DMXL2: variants seen among roughly 807,000 people sequenced by gnomAD.
The protein encoded by DMXL2 is Dmx like 2.
Under a neutral mutation model 331.1 loss-of-function variants are expected in DMXL2, and 103 were observed. The observed-to-expected ratio is 0.31, with a 90% CI of 0.27 to 0.37. The LOEUF (loss-of-function observed/expected upper bound fraction) is 0.37. Ranked by LOEUF, DMXL2 falls within the 10% of genes least tolerant of loss-of-function variation. DMXL2 has a pLI of 1.00. For synonymous variants in DMXL2, 1,281 were observed against 1,252.1 expected (o/e 1.02, Z -0.49); for missense variants, 3,171 against 3,642.9 (o/e 0.87, Z 3.33).
intron 13 of DMXL2, among the ~76,000 whole-genome samples, chr15:51,528,799 C>T (rs1377964028): frequency 6.6e-6 from 1 of 152,190 alleles, no homozygotes; most frequent in Admixed American, 6.5e-5. Context: ...CCAACAGCTA[C>T]AGAATATACA....
chr15:51,466,133 T>C, intron 30 of DMXL2, 51 bp downstream of exon 30: 2 of 1,301,938 alleles, frequency 1.5e-6, no homozygotes, highest in Non-Finnish European at 2.0e-6. Context: ...TGATATTTTC[T>C]ACAAAAAGAA....
chr15:51,530,655 T>C (rs947552316), intron 13 of DMXL2, among the ~76,000 whole-genome samples: 4 of 151,868 alleles, frequency 2.6e-5, no homozygotes, highest in Admixed American at 6.6e-5. Context: ...CTCTGGAGGC[T>C]GAGGCAGAAG....
intron 18 of DMXL2, among the ~76,000 whole-genome samples, chr15:51,496,446 G>A (rs8031824): frequency 0.019 from 2,879 of 152,296 alleles, 91 homozygotes; most frequent in African/African-American, 0.065. Flanking sequence ...AACAAGCCAT[G>A]CATGAATCTG....
intron 33 of DMXL2, among the ~76,000 whole-genome samples, chr15:51,461,245 C>A (rs527436962): frequency 2.0e-5 from 3 of 152,080 alleles, no homozygotes; most frequent in Non-Finnish European, 4.4e-5. Context: ...ATAGAACACA[C>A]AGAGACTGAG....
chr15:51,539,259 C>T (rs1283750741), intron 9 of DMXL2, among the ~76,000 whole-genome samples: 1 of 151,022 alleles, frequency 6.6e-6, no homozygotes, highest in Non-Finnish European at 1.5e-5. Flanking sequence ...ACATTTCATA[C>T]ACATACACAC....
Position 51,458,691 on chromosome 15 carries a change from A to G in DMXL2, c.8076+18T>C. 1 of 1,613,926 alleles carries G rather than the reference A, an allele frequency of 6.2e-7. No individual in the cohort carries two copies. The highest frequency in any genetic ancestry group is 8.5e-7 in the Non-Finnish European group (1 of 1,179,836). The stretch of plus-strand genomic sequence containing the variant: ...CACTAAGGAGAAATACACTGTGTAT[A>G]ATGATGAGAGCTTTTACCTTATTAA... On this transcript the variant is annotated intron_variant, in intron 35 of 43. Coordinates refer to ENST00000560891, the MANE Select transcript of DMXL2 (RefSeq NM_001378457.1).
chr15:51,564,370 C>T, intron 4 of DMXL2, 110 bp from the exon 5 acceptor site: 2 of 800,050 alleles, frequency 2.5e-6, no homozygotes, highest in Non-Finnish European at 3.5e-6. Flanking sequence ...GAAAAGTAAG[C>T]AATATCGCCA....
chr15:51,561,411 G>C lies in DMXL2; in HGVS notation c.567+1970C>G, dbSNP rs1384989656. On this transcript the variant is annotated intron_variant, in intron 6 of 43. Transcript: ENST00000560891. ...TTACTCATTGGCTTAGGCTGTGGTT[G>C]GTAGCAGAGGCTGTAGTGAGGCTTT... is the stretch of plus-strand genomic sequence containing the variant. Among the ~76,000 whole-genome samples the C allele has an allele frequency of 2.0e-5, 3 of 152,284 alleles. 1 individual carries two copies. The South Asian group carries it at 6.2e-4, about 32-fold the overall frequency.
intron 22 of DMXL2, 130 bp from the exon 23 acceptor site, chr15:51,486,467 G>T: frequency 1.4e-6 from 1 of 697,836 alleles, no homozygotes; most frequent in Non-Finnish European, 2.3e-6. Flanking sequence ...GTGAAGGGTA[G>T]TTAAATGATT....
chr15:51,454,591 G>A (rs2039451841), intron 40 of DMXL2, among the ~76,000 whole-genome samples: 1 of 152,092 alleles, frequency 6.6e-6, no homozygotes, highest in Non-Finnish European at 1.5e-5. Context: ...CCGCCTCCTG[G>A]GTTCAAGCGA....
At chr15:51,539,083 G>A (rs994833122) in intron 9 of DMXL2, among the ~76,000 whole-genome samples, 2 of 151,756 alleles carry the variant, frequency 1.3e-5, no homozygotes, top group Non-Finnish European at 2.9e-5. Flanking sequence ...GGCGGGGTGT[G>A]CCTGTAGTCC....
At position 51,448,840 on chromosome 15, in the gene DMXL2, T is replaced by C; in HGVS notation, c.*144A>G. Reference sequence around the variant, plus strand: ...TGCGCATTCATTCCACCAACCTGTTTAGATAATACTCAGCTTGGGTCATAT... The same window carrying C: ...TGCGCATTCATTCCACCAACCTGTTCAGATAATACTCAGCTTGGGTCATAT... On this transcript the variant is annotated 3_prime_UTR_variant, in exon 44 of 44. Transcript: ENST00000560891. 1 of 799,194 alleles carries C rather than the reference T, an allele frequency of 1.3e-6. No individual in the cohort carries two copies. Among genetic ancestry groups the C allele is most frequent in the Non-Finnish European group, 2.0e-6 (1 of 506,958 alleles). The allele number at this position is 799,194 out of a possible 1,614,324, so 49.5% of individuals were successfully genotyped here.
intron 1 of DMXL2, among the ~76,000 whole-genome samples, chr15:51,581,739 A>C (rs2051435052): frequency 6.6e-6 from 1 of 152,194 alleles, no homozygotes; most frequent in African/African-American, 2.4e-5. Flanking sequence ...AAACATGACC[A>C]CATTTCCTAT....
intron 1 of DMXL2, among the ~76,000 whole-genome samples, chr15:51,577,222 C>A (rs909123177): frequency 1.3e-5 from 2 of 152,100 alleles, no homozygotes; most frequent in Non-Finnish European, 2.9e-5. Context: ...AGTGTGGTTA[C>A]GACCTACAAA....
At chr15:51,518,154 G>A (rs554343410) in intron 13 of DMXL2, among the ~76,000 whole-genome samples, 1 of 152,180 alleles carries the variant, frequency 6.6e-6, no homozygotes, top group East Asian at 1.9e-4. Flanking sequence ...CCAACATGGT[G>A]AAACCCCGTC....
At chr15:51,590,202 T>G (rs554081604) in intron 1 of DMXL2, among the ~76,000 whole-genome samples, 15 of 152,258 alleles carry the variant, frequency 9.9e-5, no homozygotes, top group African/African-American at 3.1e-4. Flanking sequence ...CTTAAAAGAG[T>G]GAACTGGGTC....
chr15:51,621,200 A>T (rs1188220960), intron 1 of DMXL2, among the ~76,000 whole-genome samples: 2 of 152,224 alleles, frequency 1.3e-5, no homozygotes, highest in Non-Finnish European at 2.9e-5. Context: ...GTCGTTCTAA[A>T]CTGGAGCTAG....
rs377212412 is a variant in DMXL2, at chr15:51,570,149, C to T, written c.214-1591G>A. On this transcript the variant is annotated intron_variant, in intron 2 of 43. Transcript: ENST00000560891. ...GCACGAGAACTTCATGAAACATACA[C>T]AAGTTATCAATAGCCGAACTGATCA... Among the ~76,000 whole-genome samples the T allele has an allele frequency of 9.4e-4, 143 of 151,966 alleles. 2 individuals are homozygous for T. The South Asian group carries it at 0.029, about 30-fold the overall frequency.
intron 23 of DMXL2, among the ~76,000 whole-genome samples, chr15:51,484,554 G>GT (rs1171089106): frequency 6.6e-6 from 1 of 152,176 alleles, no homozygotes; most frequent in Non-Finnish European, 1.5e-5. Context: ...CCTATTCATA[G>GT]TAACAAGTCT....
Sources: allele counts gnomAD v4.1 joint callset (sites outside exome capture counted in the v4.1 genomes callset), GRCh38; gene constraint gnomAD v4.1.1; transcripts MANE v1.5; gene names NCBI Gene and HGNC (gene_info 2026-07-23, HGNC 2026-07-21).